COX7A2L: variants seen among roughly 807,000 people sequenced by gnomAD.
The protein encoded by COX7A2L is cytochrome c oxidase subunit 7A2 like.
In COX7A2L, 18 loss-of-function variants were observed where a neutral mutation model predicts 14.2. The observed-to-expected ratio is 1.27, with a 90% confidence interval of 0.88 to 1.88. COX7A2L has a LOEUF of 1.88. COX7A2L is among the 40% of genes most tolerant of loss of function. The probability of loss-of-function intolerance (pLI) is 0.00; values close to 1 mark genes in which losing one functional copy is unlikely to be tolerated. For synonymous variants in COX7A2L, 65 were observed against 57.4 expected, an observed-to-expected ratio of 1.13 and a Z score of -0.60; for missense variants, 179 against 138.8, an observed-to-expected ratio of 1.29 and a Z score of -1.46.
intron 1 of COX7A2L, among the ~76,000 whole-genome samples, chr2:42,353,796 T>A (rs993279122): frequency 6.6e-6 from 1 of 152,112 alleles, no homozygotes; most frequent in Non-Finnish European, 1.5e-5. Context: ...AAACAAACAA[T>A]ACTTGCCTTC....
chr2:42,354,849 C>T (rs58519571), intron 1 of COX7A2L, among the ~76,000 whole-genome samples: 17,839 of 152,228 alleles, frequency 0.12, 1,127 homozygotes, highest in South Asian at 0.24. Flanking sequence ...AAACCAACAG[C>T]AGCTAATATC....
intron 1 of COX7A2L, among the ~76,000 whole-genome samples, chr2:42,354,044 C>T (rs1670736422): frequency 1.3e-5 from 2 of 152,084 alleles, no homozygotes; most frequent in Non-Finnish European, 2.9e-5. Flanking sequence ...GAGGGAACCG[C>T]AGAGACAGAA....
chr2:42,351,845 C>T (rs1176637569), intron 2 of COX7A2L, among the ~76,000 whole-genome samples: 1 of 152,118 alleles, frequency 6.6e-6, no homozygotes. Flanking sequence ...TGGTGGTATG[C>T]ACCTGTAGTC....
intron 2 of COX7A2L, 31 bp downstream of exon 2, chr2:42,353,181 G>C: frequency 6.2e-7 from 1 of 1,601,754 alleles, no homozygotes; most frequent in African/African-American, 1.4e-5. Context: ...TTATTTCACA[G>C]GCTTTTCTGT....
intron 1 of COX7A2L, 57 bp from the exon 2 acceptor site, chr2:42,353,400 G>T: frequency 6.3e-7 from 1 of 1,593,646 alleles, no homozygotes; most frequent in East Asian, 2.2e-5. Context: ...AGGCTGTCTG[G>T]AATAGTGGAG....
intron 1 of COX7A2L, among the ~76,000 whole-genome samples, chr2:42,360,613 T>C (rs899320886): frequency 1.9e-4 from 29 of 152,112 alleles, no homozygotes; most frequent in African/African-American, 5.1e-4. Flanking sequence ...ACCCAGATCA[T>C]AGCCCCCCAA....
At position 42,338,081 on chromosome 2, in the gene COX7A2L, G is replaced by T. The variant is rs546253784; in HGVS notation, c.193-4212C>A. 2.6e-5 allele frequency among the ~76,000 whole-genome samples: 4 copies of T among 152,296 alleles called. No homozygotes were observed. The highest frequency in any genetic ancestry group is 5.9e-5 in the Non-Finnish European group (4 of 68,030). ...CATAGGGACAAGAGACGACCCGGGAGCACTAAGAATTCATCTTCTGGTCCG... is the reference window on the plus strand; with the variant it reads ...CATAGGGACAAGAGACGACCCGGGATCACTAAGAATTCATCTTCTGGTCCG... On this transcript the variant is annotated intron_variant, in intron 2 of 2. Transcript: ENST00000468711. This position sits in a 1 kb window ranked among gnomAD's most constrained non-coding sequence, Gnocchi z 4.4.
intron 1 of COX7A2L, among the ~76,000 whole-genome samples, chr2:42,355,899 T>C (rs974346758): frequency 1.3e-5 from 2 of 152,066 alleles, no homozygotes; most frequent in Non-Finnish European, 2.9e-5. Flanking sequence ...CTAATTTTTG[T>C]ATTTTTCATA....
chr2:42,354,546 G>T (rs1308211693), intron 1 of COX7A2L, among the ~76,000 whole-genome samples: 1 of 152,058 alleles, frequency 6.6e-6, no homozygotes, highest in African/African-American at 2.4e-5. Flanking sequence ...TTGTCTCAAA[G>T]AAATCTAAAT....
downstream of COX7A2L, among the ~76,000 whole-genome samples, chr2:42,345,919 C>T (rs150652098): frequency 7.1e-3 from 1,077 of 152,210 alleles, 16 homozygotes; most frequent in African/African-American, 0.025. Context: ...AGAGACGAGC[C>T]GGTGAGAGGG....
chr2:42,353,195 AGAGT>A lies in COX7A2L; in HGVS notation c.204+13_204+16del. ...TTTATTTCACAGGCTTTTCTGTTGT[AGAGT>A]ATCTTCCCTCACCTGGAAAAACTTT... On this transcript the variant is annotated intron_variant, in intron 2 of 2. Coordinates refer to ENST00000234301, the MANE Select transcript of COX7A2L (RefSeq NM_004718.4). 1 of 1,611,920 alleles carries A rather than the reference AGAGT, an allele frequency of 6.2e-7. No homozygotes were observed. The highest frequency in any genetic ancestry group is 8.5e-7 in the Non-Finnish European group (1 of 1,179,518).
chr2:42,340,382 ATTG>A (rs1670378282), intron 2 of COX7A2L, among the ~76,000 whole-genome samples: 1 of 152,058 alleles, frequency 6.6e-6, no homozygotes, highest in South Asian at 2.1e-4. Flanking sequence ...TTAATTATCA[ATTG>A]TTGTAAGTCT....
intron 1 of COX7A2L, chr2:42,358,976 T>C (rs1572799535): frequency 6.6e-6 from 1 of 151,990 alleles, no homozygotes; most frequent in African/African-American, 2.4e-5. Context: ...AAAAATATTT[T>C]AAAAAAATAA....
chr2:42,364,168 G>T (rs896334025), upstream of COX7A2L, among the ~76,000 whole-genome samples: 15 of 150,934 alleles, frequency 9.9e-5, no homozygotes, highest in East Asian at 2.2e-3. Context: ...GGAGAATGGC[G>T]TGAACCCGGG....
intron 1 of COX7A2L, among the ~76,000 whole-genome samples, chr2:42,366,535 A>G (rs376066194): frequency 7.2e-5 from 11 of 152,222 alleles, no homozygotes; most frequent in Admixed American, 5.9e-4. Context: ...TCTCTTAGTC[A>G]CAAGATAAAA....
Position 42,353,240 on chromosome 2 carries a change from T to C in COX7A2L, c.176A>G (p.Lys59Arg), listed in dbSNP as rs200309743. The change falls in exon 2 of 3, where the codon AAA becomes AGA. Residue 59 changes from lysine (K) to arginine (R), a missense_variant. By Grantham distance (26) the Lys-to-Arg change is conservative. Coordinates refer to ENST00000234301, the MANE Select transcript of COX7A2L (RefSeq NM_004718.4). ...STVYDYAGKN[K>R]VPELQKFFQK... ...GAAAAACTTTTGTAGCTCTGGAACT[T>C]TGTTTTTCCCAGCATAATCATACAC... The C allele has an allele frequency of 3.1e-5, 50 of 1,614,156 alleles. No homozygotes were observed. In the East Asian group the frequency reaches 1.0e-3, roughly 32 times the overall value.
chr2:42,366,783 A>C (rs1177574140), intron 1 of COX7A2L, among the ~76,000 whole-genome samples: 1 of 152,178 alleles, frequency 6.6e-6, no homozygotes, highest in Non-Finnish European at 1.5e-5. Flanking sequence ...AAAAATTATA[A>C]TCTACAAATC....
At chr2:42,337,847 C>T (rs1670315689) in intron 2 of COX7A2L, among the ~76,000 whole-genome samples, 1 of 152,208 alleles carries the variant, frequency 6.6e-6, no homozygotes, top group African/African-American at 2.4e-5. Flanking sequence ...GAAACTCTCC[C>T]TGCACGTGTG....
At chr2:42,360,442 G>A (rs1185162986) in intron 1 of COX7A2L, among the ~76,000 whole-genome samples, 5 of 152,150 alleles carry the variant, frequency 3.3e-5, no homozygotes, top group African/African-American at 9.7e-5. Flanking sequence ...AACACATGCT[G>A]GAGAGTCAAA....
Sources: gnomAD v4.1 joint callset for allele counts (sites outside exome capture counted in the v4.1 genomes callset) on GRCh38, gnomAD v4.1.1 for gene constraint, Gnocchi (gnomAD v3.1) non-coding constraint, MANE v1.5 for transcripts, NCBI Gene and HGNC (gene_info 2026-07-23, HGNC 2026-07-21) for gene names.